The following MTUS1 variants were observed in gnomAD, a reference collection of about 807,000 sequenced individuals.
MTUS1 encodes microtubule-associated tumor suppressor 1.
A neutral mutation model predicts 120.8 loss-of-function variants in MTUS1; 109 were observed. That is an observed-to-expected ratio of 0.90 (90% CI 0.77 to 1.06). The LOEUF (loss-of-function observed/expected upper bound fraction) is 1.06, where lower values mean the gene tolerates loss of function less well. Among genes scored for constraint, MTUS1 ranks in the 50% least tolerant of loss-of-function variants. The pLI, the probability that MTUS1 is intolerant of heterozygous loss-of-function variation, is 0.00. For missense variants in MTUS1, 2,210 were observed against 1,486.3 expected, an observed-to-expected ratio of 1.49 and a Z score of -8.01; for synonymous variants, 737 against 550.5, an observed-to-expected ratio of 1.34 and a Z score of -4.74.
chr8:17,707,896 G>A (rs1820481611), intron 6 of MTUS1, among the ~76,000 whole-genome samples: 1 of 152,174 alleles, frequency 6.6e-6, no homozygotes, highest in African/African-American at 2.4e-5. Context: ...TCAACACCTG[G>A]ATGTCCATGT....
At chr8:17,715,942 A>T in intron 4 of MTUS1, 41 bp from the exon 5 acceptor site, 1 of 1,580,024 alleles carries the variant, frequency 6.3e-7, no homozygotes, top group South Asian at 1.2e-5. Context: ...GTATAGATAA[A>T]CACAGTTTCG....
At chr8:17,657,058 CAA>C (rs1219286349) in intron 8 of MTUS1, among the ~76,000 whole-genome samples, 83 of 56,714 alleles carry the variant, frequency 1.5e-3, no homozygotes, top group African/African-American at 3.8e-3. Context: ...GATTCTGTCT[CAA>C]AAAAAAAAAA....
chr8:17,781,356 T>C (rs1173512862), intron 1 of MTUS1, among the ~76,000 whole-genome samples: 3 of 152,134 alleles, frequency 2.0e-5, no homozygotes, highest in Non-Finnish European at 4.4e-5. Flanking sequence ...TGTTAAATAA[T>C]CCTCCCCTAA....
At chr8:17,744,131 A>C (rs1280890468) in intron 2 of MTUS1, among the ~76,000 whole-genome samples, 1 of 152,176 alleles carries the variant, frequency 6.6e-6, no homozygotes, top group Admixed American at 6.5e-5. Flanking sequence ...TTTTACCCCA[A>C]AATATTTTTC....
At chr8:17,669,131 A>G (rs1399426123) in intron 8 of MTUS1, among the ~76,000 whole-genome samples, 2 of 152,224 alleles carry the variant, frequency 1.3e-5, no homozygotes, top group Admixed American at 6.5e-5. Context: ...GAAGAGGTCT[A>G]TAAACAAATC....
At chr8:17,670,548 G>A (rs1278189780) in intron 8 of MTUS1, among the ~76,000 whole-genome samples, 1 of 152,148 alleles carries the variant, frequency 6.6e-6, no homozygotes, top group African/African-American at 2.4e-5. Flanking sequence ...ATCTGACCAG[G>A]TGCCATGGCT....
At chr8:17,763,805 T>G (rs1488523302) in intron 1 of MTUS1, among the ~76,000 whole-genome samples, 1 of 152,208 alleles carries the variant, frequency 6.6e-6, no homozygotes, top group African/African-American at 2.4e-5. Flanking sequence ...GGTAATGCTG[T>G]GTGTTCCAGA....
intron 1 of MTUS1, among the ~76,000 whole-genome samples, chr8:17,773,329 C>T (rs1169337757): frequency 6.6e-6 from 1 of 152,258 alleles, no homozygotes; most frequent in East Asian, 1.9e-4. Context: ...GCCACACTGT[C>T]ATTAGAGGTG....
chr8:17,695,389 G>A (rs1490039014), intron 6 of MTUS1, among the ~76,000 whole-genome samples: 1 of 152,158 alleles, frequency 6.6e-6, no homozygotes, highest in African/African-American at 2.4e-5. Flanking sequence ...CTCTGGGCAA[G>A]CGAATTCACT....
intron 1 of MTUS1, among the ~76,000 whole-genome samples, chr8:17,762,053 G>A (rs1433440256): frequency 6.6e-6 from 1 of 152,176 alleles, no homozygotes; most frequent in Non-Finnish European, 1.5e-5. Context: ...GCCGAGGTGG[G>A]CGGATCACTT....
intron 3 of MTUS1, chr8:17,724,071 G>A (rs1392392459): frequency 1.7e-6 from 1 of 578,998 alleles, no homozygotes; most frequent in Non-Finnish European, 3.1e-6. Context: ...AAGTGTAGGA[G>A]TAACCCTGTC....
At chr8:17,666,873 TA>T (rs924969991) in intron 8 of MTUS1, among the ~76,000 whole-genome samples, 3 of 151,750 alleles carry the variant, frequency 2.0e-5, no homozygotes, top group Non-Finnish European at 4.4e-5. Flanking sequence ...CGTTGGGGTT[TA>T]AAAAAAACAA....
At chr8:17,729,770 T>G (rs184270717) in intron 3 of MTUS1, among the ~76,000 whole-genome samples, 1 of 151,906 alleles carries the variant, frequency 6.6e-6, no homozygotes, top group East Asian at 1.9e-4. Flanking sequence ...AAAAAAAATT[T>G]AGAACAGAAA....
chr8:17,661,754 G>C (rs1452410943), intron 8 of MTUS1, among the ~76,000 whole-genome samples: 2 of 152,142 alleles, frequency 1.3e-5, no homozygotes, highest in African/African-American at 2.4e-5. Flanking sequence ...GGGAACAGGA[G>C]GTTCACTGCT....
In MTUS1 at chr8:17,752,083, C is replaced by A. The variant is rs183795527; in HGVS notation, c.2091+1634G>T. On this transcript the variant is annotated intron_variant, in intron 2 of 14. Transcript: ENST00000693296. ...TGATGATTCTATCCTTACCTCAGTA[C>A]CACATCGGGAGCCTGAAAAACAGGT... is the stretch of plus-strand genomic sequence containing the variant. Among the ~76,000 whole-genome samples the A allele has an allele frequency of 9.3e-4, 141 of 152,206 alleles. 1 individual carries two copies. The highest frequency in any genetic ancestry group is 2.7e-3 in the Admixed American group (41 of 15,286).
intron 7 of MTUS1, among the ~76,000 whole-genome samples, chr8:17,680,719 C>A (rs865980585): frequency 6.6e-5 from 10 of 152,132 alleles, no homozygotes; most frequent in Middle Eastern, 3.4e-3. Flanking sequence ...ATAAAGGCCT[C>A]GGCTTGTGTT....
chr8:17,722,057 A>C (rs887829622), intron 4 of MTUS1: 2 of 1,322,150 alleles, frequency 1.5e-6, no homozygotes, highest in Non-Finnish European at 9.6e-7. Flanking sequence ...CAGCTAGCAA[A>C]TCAAACTAAG....
chr8:17,712,167 G>A (rs965715942), intron 6 of MTUS1, among the ~76,000 whole-genome samples: 1 of 152,168 alleles, frequency 6.6e-6, no homozygotes, highest in African/African-American at 2.4e-5. Flanking sequence ...AAAAAGCACA[G>A]TATTTGCAAG....
At chr8:17,760,326 A>G (rs1370623893) in intron 1 of MTUS1, among the ~76,000 whole-genome samples, 1 of 152,210 alleles carries the variant, frequency 6.6e-6, no homozygotes, top group Non-Finnish European at 1.5e-5. Context: ...TATAAAATAA[A>G]TTTACTGACA....
Sources: allele counts gnomAD v4.1 joint callset (sites outside exome capture counted in the v4.1 genomes callset), GRCh38; gene constraint gnomAD v4.1.1; transcripts MANE v1.5; gene names NCBI Gene and HGNC (gene_info 2026-07-23, HGNC 2026-07-21).